CHM: variants seen among roughly 807,000 people sequenced by gnomAD.
CHM encodes rab proteins geranylgeranyltransferase component A 1.
CHM carries 10 observed loss-of-function variants against 49.0 expected under a neutral mutation model. The ratio of observed to expected loss-of-function variants is 0.20; its 90% confidence interval spans 0.13 to 0.35. The LOEUF (loss-of-function observed/expected upper bound fraction) is 0.35, where lower values mean the gene tolerates loss of function less well. Ranked by LOEUF, CHM falls within the 10% of genes least tolerant of loss-of-function variation. CHM has a pLI of 1.00. For synonymous variants in CHM, 184 were observed against 167.5 expected (o/e 1.10, Z -0.76); for missense variants, 455 against 478.4 (o/e 0.95, Z 0.46).
intron 8 of CHM, 59 bp from the exon 9 acceptor site, chrX:85,911,397 G>T: frequency 1.7e-6 from 1 of 575,346 alleles, no homozygotes; most frequent in Non-Finnish European, 2.7e-6. Flanking sequence ...AAAGGTAAAA[G>T]TATTTTCTTT....
intron 4 of CHM, among the ~76,000 whole-genome samples, chrX:85,976,879 C>CAT (rs1184839151): frequency 3.3e-5 from 2 of 61,342 alleles, no homozygotes; most frequent in African/African-American, 1.4e-4. Context: ...CACACAAACA[C>CAT]ACACACACAC....
At chrX:86,029,263 T>C (rs1179285459) in intron 1 of CHM, among the ~76,000 whole-genome samples, 2 of 112,225 alleles carry the variant, frequency 1.8e-5, no homozygotes, top group Non-Finnish European at 3.8e-5. Context: ...AGTTTTTAAG[T>C]TAAAACCCTT....
At chrX:85,999,467 A>G (rs1932597856) in intron 2 of CHM, among the ~76,000 whole-genome samples, 1 of 111,760 alleles carries the variant, frequency 8.9e-6, no homozygotes, top group South Asian at 3.8e-4. Flanking sequence ...ATGAAGACTG[A>G]TATGAAAAAA....
chrX:85,969,910 T>C (rs1930797656), intron 4 of CHM: 2 of 111,523 alleles, frequency 1.8e-5, no homozygotes, highest in Admixed American at 1.9e-4. Context: ...CTAAAAAACT[T>C]GATAGTGGTT....
intron 2 of CHM, among the ~76,000 whole-genome samples, chrX:86,018,810 C>T (rs1176650039): frequency 3.6e-5 from 4 of 111,644 alleles, no homozygotes; most frequent in African/African-American, 9.8e-5. Flanking sequence ...CTGTACAGTT[C>T]TATACATGAA....
intron 4 of CHM, among the ~76,000 whole-genome samples, chrX:85,968,704 T>G (rs967829356): frequency 8.9e-6 from 1 of 112,234 alleles, no homozygotes; most frequent in Non-Finnish European, 1.9e-5. Flanking sequence ...TTTAGAAGTT[T>G]TTTTCTTATG....
rs1930328556 is a variant in CHM at position 85,962,124 on chromosome X, C to T, written c.702+1541G>A. On this transcript the variant is annotated intron_variant, in intron 5 of 14. Coordinates refer to ENST00000357749, the MANE Select transcript of CHM (RefSeq NM_000390.4). ...TATTTAGGTAAAACATTCCAAATTC[C>T]AAGTAATTACTTCAAAATGGAATTG... 3.6e-5 allele frequency among the ~76,000 whole-genome samples: 4 copies of T among 112,126 alleles called. No individual in the cohort carries two copies. The South Asian group carries it at 1.5e-3, about 41-fold the overall frequency.
intron 4 of CHM, among the ~76,000 whole-genome samples, chrX:85,966,271 C>G (rs775274769): frequency 3.8e-4 from 41 of 107,428 alleles, no homozygotes; most frequent in Non-Finnish European, 7.5e-4. Flanking sequence ...ATCACTTGAA[C>G]CCAGGAGGCG....
At chrX:86,009,084 T>C (rs1166525034) in intron 2 of CHM, among the ~76,000 whole-genome samples, 1 of 112,115 alleles carries the variant, frequency 8.9e-6, no homozygotes, top group Admixed American at 9.5e-5. Context: ...TATTACCAAA[T>C]AGCATTTGTG....
At chrX:85,911,996 C>T (rs1265426035) in intron 8 of CHM, among the ~76,000 whole-genome samples, 2 of 110,569 alleles carry the variant, frequency 1.8e-5, no homozygotes, top group Non-Finnish European at 3.8e-5. Context: ...TATTAAAGAG[C>T]TATGCCTCAG....
intron 5 of CHM, among the ~76,000 whole-genome samples, chrX:85,961,456 T>C (rs1192429658): frequency 9.4e-6 from 1 of 106,258 alleles, no homozygotes; most frequent in East Asian, 2.9e-4. Context: ...GGTAGGGCTT[T>C]AGGGCTTTAA....
At chrX:85,894,611 C>T (rs994186768) in intron 11 of CHM, among the ~76,000 whole-genome samples, 1 of 111,445 alleles carries the variant, frequency 9.0e-6, no homozygotes, top group African/African-American at 3.3e-5. Flanking sequence ...TTAGCACCGA[C>T]ATGATGCTCT....
intron 8 of CHM, among the ~76,000 whole-genome samples, chrX:85,914,931 A>T (rs926906863): frequency 2.7e-5 from 3 of 111,268 alleles, no homozygotes; most frequent in Non-Finnish European, 3.8e-5. Flanking sequence ...CATGCAGCCC[A>T]GGACAGGTGA....
rs1308248901 is a variant in CHM, at chrX:85,941,796, A to C, written c.1166+14357T>G. On this transcript the variant is annotated intron_variant, in intron 8 of 14. Transcript: ENST00000357749. ...CGCTGATTCCTAACTTAGATTACTA[A>C]ATCTAGCTAAGTCTCTAACTGCCTC... Among the ~76,000 whole-genome samples the C allele has an allele frequency of 4.5e-5, 5 of 111,492 alleles. No homozygotes were observed. In the South Asian group the frequency reaches 1.9e-3, roughly 42 times the overall value.
rs182580595 is a variant in CHM, at chrX:85,903,984, T to G, written c.1245-2796A>C. ...AAGCAAGTGATAAGATATGTTTTCC[T>G]CTCAGACATTTAACTTACTGTCATA... On this transcript the variant is annotated intron_variant, in intron 9 of 14. Transcript: ENST00000357749. 6.3e-5 allele frequency among the ~76,000 whole-genome samples: 7 copies of G among 111,436 alleles called. No individual in the cohort carries two copies. The East Asian group carries it at 1.1e-3, about 18-fold the overall frequency.
chrX:86,035,776 G>A (rs1057119640), intron 1 of CHM, among the ~76,000 whole-genome samples: 30 of 105,605 alleles, frequency 2.8e-4, no homozygotes, highest in African/African-American at 8.3e-4. Context: ...TACTGTCGAC[G>A]AAAAGAGTTC....
chrX:85,997,310 A>G (rs764215911), intron 2 of CHM, among the ~76,000 whole-genome samples: 3 of 111,040 alleles, frequency 2.7e-5, no homozygotes, highest in African/African-American at 9.8e-5. Flanking sequence ...TAATGTCTAT[A>G]CCCCCTAGGG....
At chrX:85,888,141 A>G (rs889551554) in intron 12 of CHM, among the ~76,000 whole-genome samples, 7 of 98,776 alleles carry the variant, frequency 7.1e-5, no homozygotes, top group Non-Finnish European at 2.0e-5. Flanking sequence ...CTCCCATCAC[A>G]TGCCTGGAGG....
At chrX:85,970,293 C>T (rs1196589603) in intron 4 of CHM, 2 of 750,960 alleles carry the variant, frequency 2.7e-6, no homozygotes, top group Non-Finnish European at 3.1e-6. Flanking sequence ...CCCATAGCTT[C>T]CTAACACTGG....
Sources: gnomAD v4.1 joint callset for allele counts (sites outside exome capture counted in the v4.1 genomes callset) on GRCh38, gnomAD v4.1.1 for gene constraint, MANE v1.5 for transcripts, NCBI Gene and HGNC (gene_info 2026-07-23, HGNC 2026-07-21) for gene names.